The following ARHGAP24 variants were observed in gnomAD, a reference collection of about 807,000 sequenced individuals.
The protein encoded by ARHGAP24 is Rho GTPase activating protein 24, also known as rho GTPase-activating protein 24.
A neutral mutation model predicts 76.4 loss-of-function variants in ARHGAP24; 50 were observed. That is an observed-to-expected ratio of 0.65 (90% CI 0.52 to 0.83). The LOEUF (loss-of-function observed/expected upper bound fraction) is 0.83, where lower values mean the gene tolerates loss of function less well. Ranked by LOEUF, ARHGAP24 falls within the 40% of genes least tolerant of loss-of-function variation. The pLI, the probability that ARHGAP24 is intolerant of heterozygous loss-of-function variation, is 0.00. For synonymous variants in ARHGAP24, 345 were observed against 323.3 expected (o/e 1.07, Z -0.72); for missense variants, 930 against 914.2 (o/e 1.02, Z -0.22).
intron 3 of ARHGAP24, among the ~76,000 whole-genome samples, chr4:85,845,283 C>T (rs1395638129): frequency 6.6e-6 from 1 of 152,090 alleles, no homozygotes; most frequent in Non-Finnish European, 1.5e-5. Context: ...TTTTATTATG[C>T]AGACAAATTT....
chr4:85,721,324 G>T (rs1361000918), intron 2 of ARHGAP24, among the ~76,000 whole-genome samples: 1 of 151,836 alleles, frequency 6.6e-6, no homozygotes, highest in African/African-American at 2.4e-5. Flanking sequence ...GAACCCGGAA[G>T]GCAGAGGTTG....
chr4:85,582,770 G>A (rs1459201287), intron 2 of ARHGAP24, among the ~76,000 whole-genome samples: 1 of 151,994 alleles, frequency 6.6e-6, no homozygotes, highest in African/African-American at 2.4e-5. Context: ...ATGGATCTCA[G>A]GTAATGGTCT....
At chr4:85,550,903 T>C (rs1726107881) in intron 1 of ARHGAP24, among the ~76,000 whole-genome samples, 1 of 152,174 alleles carries the variant, frequency 6.6e-6, no homozygotes. Context: ...TTTGCTGAAG[T>C]TGTTTATTAG....
At chr4:85,956,059 G>T (rs1737885002) in intron 5 of ARHGAP24, among the ~76,000 whole-genome samples, 1 of 152,180 alleles carries the variant, frequency 6.6e-6, no homozygotes, top group Admixed American at 6.5e-5. Flanking sequence ...CTTGATGGAA[G>T]AAAGTGGAGA....
chr4:85,589,561 G>A (rs1211193120), intron 2 of ARHGAP24, among the ~76,000 whole-genome samples: 1 of 152,156 alleles, frequency 6.6e-6, no homozygotes, highest in African/African-American at 2.4e-5. Context: ...GACCATGCCT[G>A]AAAACTTACT....
intron 2 of ARHGAP24, among the ~76,000 whole-genome samples, chr4:85,655,502 G>A (rs1722104779): frequency 7.7e-6 from 1 of 130,196 alleles, no homozygotes; most frequent in Non-Finnish European, 1.6e-5. Context: ...AAAGTTTGGG[G>A]CCAGGCACGG....
At chr4:85,638,873 C>T (rs530941535) in intron 2 of ARHGAP24, among the ~76,000 whole-genome samples, 5 of 152,236 alleles carry the variant, frequency 3.3e-5, no homozygotes, top group Admixed American at 6.5e-5. Flanking sequence ...AGACAAGAAC[C>T]TAATACTCTT....
intron 3 of ARHGAP24, among the ~76,000 whole-genome samples, chr4:85,851,782 T>A (rs1367899739): frequency 6.6e-6 from 1 of 152,206 alleles, no homozygotes; most frequent in East Asian, 1.9e-4. Flanking sequence ...TGGCCCCCAC[T>A]CTCATCTGGC....
intron 1 of ARHGAP24, among the ~76,000 whole-genome samples, chr4:85,516,647 T>C (rs1257333409): frequency 6.6e-6 from 1 of 151,030 alleles, no homozygotes; most frequent in Non-Finnish European, 1.5e-5. Flanking sequence ...GTGGGTTTTT[T>C]TCTTAATTTT....
intron 2 of ARHGAP24, among the ~76,000 whole-genome samples, chr4:85,702,216 A>G (rs1171748409): frequency 6.6e-6 from 1 of 152,178 alleles, no homozygotes. Context: ...AAGAGTAGTA[A>G]CTTGAAAGGG....
intron 3 of ARHGAP24, among the ~76,000 whole-genome samples, chr4:85,899,141 G>A (rs942116540): frequency 2.0e-5 from 3 of 152,282 alleles, no homozygotes; most frequent in African/African-American, 7.2e-5. Context: ...TAAAGCACAA[G>A]CTAATGAGTA....
Position 85,801,649 on chromosome 4 carries a change from G to C in ARHGAP24, c.268+79677G>C, listed in dbSNP as rs114442509. On this transcript the variant is annotated intron_variant, in intron 3 of 9. Transcript: ENST00000395184. ...TTTCTCTGTACTTTAGAAATCATAT[G>C]AAAATTATATAACTGTTCCCTGTAG... is the stretch of plus-strand genomic sequence containing the variant. Among the ~76,000 whole-genome samples the C allele has an allele frequency of 7.7e-3, 1,172 of 152,344 alleles. 11 individuals are homozygous for C. The highest frequency in any genetic ancestry group is 0.027 in the African/African-American group (1,121 of 41,584).
chr4:85,625,724 C>T (rs1578088791), intron 2 of ARHGAP24, among the ~76,000 whole-genome samples: 1 of 152,164 alleles, frequency 6.6e-6, no homozygotes, highest in Non-Finnish European at 1.5e-5. Context: ...TTGTAGGTCA[C>T]TAAGGACTTG....
chr4:85,475,682 TGCGGGGGGCGGGGAGGGGGCTGC>T, intron 1 of ARHGAP24, 123 bp downstream of exon 1: 1 of 4,376 alleles, frequency 2.3e-4, no homozygotes, highest in African/African-American at 5.1e-4. Flanking sequence ...GGGAGGGGGC[TGCGGGGGGCGGGGAGGGGGCTGC>T]GGGGGGCGGG....
rs1329803538 is a variant in ARHGAP24, at chr4:85,755,631, G to GTTTTT, written c.268+33663_268+33664insTTTTT. 2.0e-4 allele frequency among the ~76,000 whole-genome samples: 23 copies of GTTTTT among 115,820 alleles called. 1 individual carries two copies. Among genetic ancestry groups the GTTTTT allele is most frequent in the African/African-American group, 4.8e-4 (15 of 31,434 alleles). The allele number at this position is 115,820 out of a possible 152,430, so 76.0% of individuals were successfully genotyped here. A position where few individuals can be genotyped will look rare whatever the true frequency, so the allele number is the denominator to read the frequency against. ...TGGGAAGCTTCTATTCTTTTGTTTT[G>GTTTTT]TTTTGTTTTGTTTTGTTTTGAGACG... is the stretch of plus-strand genomic sequence containing the variant. On this transcript the variant is annotated intron_variant, in intron 3 of 9. Coordinates refer to ENST00000395184, the MANE Select transcript of ARHGAP24 (RefSeq NM_001025616.3).
chr4:85,797,207 C>G (rs955378680), intron 3 of ARHGAP24, among the ~76,000 whole-genome samples: 6 of 151,342 alleles, frequency 4.0e-5, no homozygotes, highest in Admixed American at 2.6e-4. Flanking sequence ...GAGTCTTGCT[C>G]TGTTGCCCAG....
intron 4 of ARHGAP24, among the ~76,000 whole-genome samples, chr4:85,925,841 G>A (rs1020886932): frequency 2.2e-4 from 34 of 152,154 alleles, no homozygotes; most frequent in African/African-American, 7.5e-4. Context: ...AGGGTAAAGG[G>A]TTTGTGGGGA....
intron 3 of ARHGAP24, among the ~76,000 whole-genome samples, chr4:85,775,019 T>C (rs547491145): frequency 9.2e-5 from 14 of 152,282 alleles, no homozygotes; most frequent in African/African-American, 3.4e-4. Context: ...TCTGATTTGA[T>C]AAAACTTATT....
At chr4:85,866,255 G>T (rs528915842) in intron 3 of ARHGAP24, among the ~76,000 whole-genome samples, 12 of 152,248 alleles carry the variant, frequency 7.9e-5, no homozygotes, top group African/African-American at 2.9e-4. Context: ...GACAAAGACA[G>T]AGCTACTTTC....
Sources: gnomAD v4.1 joint callset for allele counts (sites outside exome capture counted in the v4.1 genomes callset) on GRCh38, gnomAD v4.1.1 for gene constraint, MANE v1.5 for transcripts, NCBI Gene and HGNC (gene_info 2026-07-23, HGNC 2026-07-21) for gene names.